CNTNAP2: variants seen among roughly 807,000 people sequenced by gnomAD.
The protein encoded by CNTNAP2 is contactin associated protein 2.
Under a neutral mutation model 155.2 loss-of-function variants are expected in CNTNAP2, and 98 were observed. The observed-to-expected ratio is 0.63, with a 90% CI of 0.54 to 0.75. The LOEUF is 0.75. Among genes scored for constraint, CNTNAP2 ranks in the 30% least tolerant of loss-of-function variants. CNTNAP2 has a pLI of 0.00. For synonymous variants in CNTNAP2, 651 were observed against 631.2 expected (o/e 1.03, Z -0.47); for missense variants, 1,727 against 1,688.1 (o/e 1.02, Z -0.40).
chr7:148,066,184 T>C (rs1333459536), intron 15 of CNTNAP2, among the ~76,000 whole-genome samples: 1 of 152,202 alleles, frequency 6.6e-6, no homozygotes. Context: ...CTTTACAGGT[T>C]ACCTGATGTT....
chr7:148,226,215 A>T (rs140209120), intron 19 of CNTNAP2, among the ~76,000 whole-genome samples: 134 of 149,156 alleles, frequency 9.0e-4, no homozygotes, highest in East Asian at 5.6e-3. Flanking sequence ...TGCTATTATT[A>T]AAAAAAAAGA....
In CNTNAP2 at chr7:146,306,949, C is replaced by G. The variant is rs1299422023; in HGVS notation, c.97+189976C>G. 2.6e-5 allele frequency among the ~76,000 whole-genome samples: 4 copies of G among 152,278 alleles called. No individual in the cohort carries two copies. The East Asian group carries it at 7.7e-4, about 29-fold the overall frequency. ...GCAGGGATGCCCTCTCTCACCACTC[C>G]TATTCAACATAGTGTTGGAAGTTCT... On this transcript the variant is annotated intron_variant, in intron 1 of 23. Transcript: ENST00000361727.
intron 4 of CNTNAP2, among the ~76,000 whole-genome samples, chr7:147,104,432 T>C (rs1261672313): frequency 6.6e-6 from 1 of 151,850 alleles, no homozygotes. Flanking sequence ...TACGTAAAGA[T>C]TCTTTATATG....
chr7:147,421,055 C>T (rs1797283242), intron 10 of CNTNAP2, among the ~76,000 whole-genome samples: 4 of 152,154 alleles, frequency 2.6e-5, no homozygotes, highest in Admixed American at 2.6e-4. Flanking sequence ...TTAAAAGGAA[C>T]ATAGATGAAA....
intron 14 of CNTNAP2, among the ~76,000 whole-genome samples, chr7:147,951,646 C>A (rs553446737): frequency 6.6e-6 from 1 of 151,844 alleles, no homozygotes; most frequent in African/African-American, 2.4e-5. Context: ...CAGAGCTAGA[C>A]CTTGGGTGGG....
At chr7:146,594,053 T>C (rs1415568364) in intron 1 of CNTNAP2, among the ~76,000 whole-genome samples, 12 of 152,108 alleles carry the variant, frequency 7.9e-5, no homozygotes, top group Non-Finnish European at 1.5e-4. Context: ...AGAATCCTCA[T>C]AGGTTAGTTT....
In CNTNAP2 at chr7:146,930,289, T is replaced by C. The variant is rs557555536; in HGVS notation, c.402+90385T>C. On this transcript the variant is annotated intron_variant, in intron 3 of 23. Coordinates refer to ENST00000361727, the MANE Select transcript of CNTNAP2 (RefSeq NM_014141.6). ...AGAGAGTGGGGGCCAATATGCAACA[T>C]TCATAAAGAAAAGAATTTTCAACCC... Among the ~76,000 whole-genome samples, 7 of 152,208 alleles carry C rather than the reference T, an allele frequency of 4.6e-5. No homozygotes were observed. In the South Asian group the frequency reaches 1.5e-3, roughly 32 times the overall value.
chr7:148,335,642 T>A (rs1471949739), intron 21 of CNTNAP2, among the ~76,000 whole-genome samples: 1 of 152,204 alleles, frequency 6.6e-6, no homozygotes, highest in African/African-American at 2.4e-5. Flanking sequence ...ATGGCTGGTA[T>A]CCATCTTCAG....
rs1431366595 is a variant in CNTNAP2, at chr7:146,989,630, C to CA, written c.403-54275dup. On this transcript the variant is annotated intron_variant, in intron 3 of 23. Coordinates refer to ENST00000361727, the MANE Select transcript of CNTNAP2 (RefSeq NM_014141.6). ...ATCTCATCTCTTGCTGCCCAACCAC[C>CA]AATCTAGGTTAGGAGCTTATAGTGC... Among the ~76,000 whole-genome samples the CA allele has an allele frequency of 3.3e-5, 5 of 152,188 alleles. No individual in the cohort carries two copies. In the South Asian group the frequency reaches 6.2e-4, roughly 19 times the overall value.
intron 2 of CNTNAP2, among the ~76,000 whole-genome samples, chr7:146,833,153 A>G (rs1438782826): frequency 1.3e-5 from 2 of 152,146 alleles, no homozygotes; most frequent in African/African-American, 4.8e-5. Flanking sequence ...GTAACTGATA[A>G]TTACTGCTAT....
intron 3 of CNTNAP2, among the ~76,000 whole-genome samples, chr7:146,969,756 A>G (rs547773194): frequency 6.6e-6 from 1 of 152,254 alleles, no homozygotes; most frequent in Admixed American, 6.5e-5. Context: ...CGCCAAGTCA[A>G]TCCTAAGCCA....
At chr7:146,288,446 CTG>C (rs1252974465) in intron 1 of CNTNAP2, among the ~76,000 whole-genome samples, 4 of 152,002 alleles carry the variant, frequency 2.6e-5, no homozygotes, top group Non-Finnish European at 5.9e-5. Context: ...TTCTTAGAAA[CTG>C]TGACTTTAAG....
At chr7:148,005,263 C>G (rs1801955133) in intron 15 of CNTNAP2, among the ~76,000 whole-genome samples, 1 of 152,180 alleles carries the variant, frequency 6.6e-6, no homozygotes, top group Non-Finnish European at 1.5e-5. Context: ...TCGTTAGGGC[C>G]CCTTTTTATA....
At chr7:146,943,433 A>C (rs904725949) in intron 3 of CNTNAP2, among the ~76,000 whole-genome samples, 6 of 152,220 alleles carry the variant, frequency 3.9e-5, no homozygotes, top group Non-Finnish European at 8.8e-5. Context: ...CAGAGGTTGC[A>C]GTGAGCTGAG....
At chr7:147,170,538 G>A (rs1183216601) in intron 8 of CNTNAP2, among the ~76,000 whole-genome samples, 2 of 151,122 alleles carry the variant, frequency 1.3e-5, no homozygotes, top group Non-Finnish European at 2.9e-5. Context: ...AGGCATTCCA[G>A]GTGCCACACC....
At chr7:146,295,816 G>A (rs185928588) in intron 1 of CNTNAP2, among the ~76,000 whole-genome samples, 4 of 149,342 alleles carry the variant, frequency 2.7e-5, no homozygotes, top group East Asian at 2.0e-4. Context: ...TTTTCACCTC[G>A]TAAACTTTAT....
chr7:147,680,448 A>G (rs1447770732), intron 13 of CNTNAP2, among the ~76,000 whole-genome samples: 1 of 151,938 alleles, frequency 6.6e-6, no homozygotes, highest in East Asian at 1.9e-4. Flanking sequence ...AGCCAACAAT[A>G]TGTCCTGGGC....
At chr7:146,840,552 A>G (rs1803702186) in intron 3 of CNTNAP2, among the ~76,000 whole-genome samples, 2 of 152,146 alleles carry the variant, frequency 1.3e-5, no homozygotes, top group Non-Finnish European at 2.9e-5. Context: ...AGCAGGCATG[A>G]CCAAAATCAA....
intron 17 of CNTNAP2, among the ~76,000 whole-genome samples, chr7:148,151,261 T>C (rs1805290345): frequency 6.6e-6 from 1 of 151,958 alleles, no homozygotes; most frequent in Non-Finnish European, 1.5e-5. Context: ...CTCAGGAGAG[T>C]GCCTCGCCTA....
Sources: allele counts gnomAD v4.1 joint callset (sites outside exome capture counted in the v4.1 genomes callset), GRCh38; gene constraint gnomAD v4.1.1; transcripts MANE v1.5; gene names NCBI Gene and HGNC (gene_info 2026-07-23, HGNC 2026-07-21).